Variants in LSAMP observed in about 807,000 individuals in gnomAD.
LSAMP encodes the protein limbic system-associated membrane protein.
LSAMP carries 7 observed loss-of-function variants against 38.6 expected under a neutral mutation model. The ratio of observed to expected loss-of-function variants is 0.18; its 90% CI spans 0.10 to 0.34. The LOEUF (loss-of-function observed/expected upper bound fraction) is 0.34. Among genes scored for constraint, LSAMP ranks in the 10% least tolerant of loss-of-function variants. The pLI, the probability that LSAMP is intolerant of heterozygous loss-of-function variation, is 1.00. For synonymous variants in LSAMP, 154 were observed against 166.8 expected, an observed-to-expected ratio of 0.92 and a Z score of 0.59; for missense variants, 313 against 420.0, an observed-to-expected ratio of 0.75 and a Z score of 2.23.
chr3:116,187,264 AC>A (rs1710641057), intron 1 of LSAMP, among the ~76,000 whole-genome samples: 1 of 152,116 alleles, frequency 6.6e-6, no homozygotes, highest in Non-Finnish European at 1.5e-5. Flanking sequence ...AACCAAAGAT[AC>A]CATAAATTTA....
chr3:116,399,088 A>G (rs1365390329), intron 1 of LSAMP, among the ~76,000 whole-genome samples: 1 of 152,200 alleles, frequency 6.6e-6, no homozygotes, highest in Non-Finnish European at 1.5e-5. Flanking sequence ...AAAGCAAGAG[A>G]AGGTAGAGGT....
At chr3:116,392,578 G>A (rs2048717983) in intron 1 of LSAMP, among the ~76,000 whole-genome samples, 1 of 152,234 alleles carries the variant, frequency 6.6e-6, no homozygotes, top group South Asian at 2.1e-4. Flanking sequence ...CCCTTGGCAT[G>A]AAAAGCCTGG....
chr3:116,038,859 G>A (rs987558122), intron 2 of LSAMP, among the ~76,000 whole-genome samples: 2 of 152,196 alleles, frequency 1.3e-5, no homozygotes, highest in African/African-American at 4.8e-5. Context: ...AGTTATAGTT[G>A]ATTGAGAAAC....
intron 3 of LSAMP, among the ~76,000 whole-genome samples, chr3:115,969,623 A>C (rs2107608746): frequency 2.6e-5 from 4 of 152,280 alleles, no homozygotes; most frequent in Middle Eastern, 6.8e-3. Flanking sequence ...CTTCACCACC[A>C]TCTTGGTATC....
At chr3:116,280,083 T>C (rs2047109142) in intron 1 of LSAMP, among the ~76,000 whole-genome samples, 1 of 152,200 alleles carries the variant, frequency 6.6e-6, no homozygotes, top group South Asian at 2.1e-4. Context: ...TTGTAAACTT[T>C]TCACTCTGGT....
intron 1 of LSAMP, among the ~76,000 whole-genome samples, chr3:116,119,967 T>G (rs1708838910): frequency 6.6e-6 from 1 of 152,100 alleles, no homozygotes; most frequent in South Asian, 2.1e-4. Flanking sequence ...CCAAGAAAAT[T>G]TATTTAGTTT....
intron 6 of LSAMP, among the ~76,000 whole-genome samples, chr3:115,812,652 T>C (rs1336266878): frequency 2.0e-5 from 3 of 152,106 alleles, no homozygotes; most frequent in African/African-American, 7.2e-5. Flanking sequence ...TTGATGAGGT[T>C]TTCAAAACAG....
chr3:116,410,075 T>G (rs369339766), intron 1 of LSAMP, among the ~76,000 whole-genome samples: 1 of 152,090 alleles, frequency 6.6e-6, no homozygotes, highest in African/African-American at 2.4e-5. Flanking sequence ...GAATCTCACT[T>G]TCCCATCCTT....
intron 1 of LSAMP, among the ~76,000 whole-genome samples, chr3:116,154,956 A>T (rs1261951342): frequency 6.6e-6 from 1 of 152,180 alleles, no homozygotes; most frequent in Non-Finnish European, 1.5e-5. Context: ...TATTGTATAA[A>T]AAAGTTTGTA....
intron 6 of LSAMP, among the ~76,000 whole-genome samples, chr3:115,820,605 T>C (rs1004967937): frequency 2.0e-5 from 3 of 152,206 alleles, no homozygotes; most frequent in Non-Finnish European, 2.9e-5. Context: ...GCCTGCACCA[T>C]TAAAAACATT....
Position 116,444,923 on chromosome 3 carries a change from C to T in LSAMP, c.109G>A (p.Gly37Ser), listed in dbSNP as rs759788586. 3.1e-6 allele frequency: 5 copies of T among 1,614,108 alleles called. No homozygotes were observed. Among genetic ancestry groups the T allele is most frequent in the Non-Finnish European group, 3.4e-6 (4 of 1,180,042 alleles). The change falls in exon 1 of 7, where the codon GGC becomes AGC. Residue 37 changes from glycine (G) to serine (S), a missense_variant. Coordinates refer to ENST00000490035, the MANE Select transcript of LSAMP (RefSeq NM_002338.5). ...TGCCTCACGGTGATGTTGTCCGTGC[C>T]TCGGTTAAAATCCACGCTGCGAACA... ...LPVRSVDFNR[G>S]TDNITVRQGD...
intron 2 of LSAMP, among the ~76,000 whole-genome samples, chr3:116,077,540 A>T (rs968305622): frequency 6.6e-6 from 1 of 152,106 alleles, no homozygotes; most frequent in African/African-American, 2.4e-5. Context: ...ATTTAATATA[A>T]TTTTTTACTT....
intron 3 of LSAMP, among the ~76,000 whole-genome samples, chr3:116,006,362 G>A (rs1940161268): frequency 6.6e-6 from 1 of 152,072 alleles, no homozygotes; most frequent in South Asian, 2.1e-4. Flanking sequence ...CTGGCACCTC[G>A]ATCACGGACT....
chr3:116,353,706 A>G (rs550784853), intron 1 of LSAMP, among the ~76,000 whole-genome samples: 3 of 152,218 alleles, frequency 2.0e-5, no homozygotes, highest in African/African-American at 4.8e-5. Context: ...GATATTATAT[A>G]ATAAAATCAA....
chr3:116,310,089 G>T (rs1343314322), intron 1 of LSAMP, among the ~76,000 whole-genome samples: 1 of 152,100 alleles, frequency 6.6e-6, no homozygotes, highest in Non-Finnish European at 1.5e-5. Context: ...ATCTACTGCA[G>T]AAATGCTAGG....
intron 1 of LSAMP, among the ~76,000 whole-genome samples, chr3:116,331,690 G>C (rs2047855895): frequency 6.6e-6 from 1 of 152,016 alleles, no homozygotes; most frequent in Admixed American, 6.6e-5. Flanking sequence ...TAAAATGAAA[G>C]GACACCAGAT....
intron 1 of LSAMP, among the ~76,000 whole-genome samples, chr3:116,134,903 T>C (rs2107507097): frequency 6.6e-6 from 1 of 152,318 alleles, no homozygotes; most frequent in South Asian, 2.1e-4. Context: ...AGTACTTCTA[T>C]GGGAATCCAC....
At chr3:116,254,076 T>C (rs1489098725) in intron 1 of LSAMP, among the ~76,000 whole-genome samples, 1 of 152,184 alleles carries the variant, frequency 6.6e-6, no homozygotes, top group African/African-American at 2.4e-5. Context: ...TATGGAGTAA[T>C]CTACCTTTTA....
intron 1 of LSAMP, among the ~76,000 whole-genome samples, chr3:116,272,884 T>C (rs2046993010): frequency 6.6e-6 from 1 of 152,192 alleles, no homozygotes; most frequent in Non-Finnish European, 1.5e-5. Flanking sequence ...TTTTTTGTTT[T>C]GTTTTCTATT....
Sources: gnomAD v4.1 joint callset for allele counts (sites outside exome capture counted in the v4.1 genomes callset) on GRCh38, gnomAD v4.1.1 for gene constraint, MANE v1.5 for transcripts, NCBI Gene and HGNC (gene_info 2026-07-23, HGNC 2026-07-21) for gene names.